The following KCTD8 variants were observed in gnomAD, a reference collection of about 807,000 sequenced individuals.
KCTD8 encodes BTB/POZ domain-containing protein KCTD8.
A neutral mutation model predicts 31.5 loss-of-function variants in KCTD8; 27 were observed. That is an observed-to-expected ratio of 0.86 (90% CI 0.63 to 1.18). The LOEUF (loss-of-function observed/expected upper bound fraction) is 1.18. Ranked by LOEUF, KCTD8 falls within the 50% of genes most tolerant of loss-of-function variation. The pLI is 0.00. For synonymous variants in KCTD8, 290 were observed against 280.0 expected (o/e 1.04, Z -0.36); for missense variants, 658 against 647.7 (o/e 1.02, Z -0.17).
chr4:44,435,740 A>C (rs1227531020), intron 1 of KCTD8, among the ~76,000 whole-genome samples: 2 of 152,084 alleles, frequency 1.3e-5, no homozygotes, highest in African/African-American at 4.8e-5. Context: ...ATTCAAATGA[A>C]GCACCAGGTG....
intron 1 of KCTD8, among the ~76,000 whole-genome samples, chr4:44,437,269 A>C (rs114515792): frequency 6.6e-6 from 1 of 152,104 alleles, no homozygotes; most frequent in East Asian, 1.9e-4. Flanking sequence ...TATCTTATGT[A>C]TCTATTAGGC....
At chr4:44,289,818 A>G (rs565243717) in intron 1 of KCTD8, among the ~76,000 whole-genome samples, 52 of 152,278 alleles carry the variant, frequency 3.4e-4, no homozygotes, top group African/African-American at 1.2e-3. Flanking sequence ...CCATATCCCA[A>G]GGCTCTCAAT....
At chr4:44,261,796 A>G (rs886804619) in intron 1 of KCTD8, among the ~76,000 whole-genome samples, 4 of 152,162 alleles carry the variant, frequency 2.6e-5, no homozygotes, top group Admixed American at 1.3e-4. Flanking sequence ...ATATTTCATT[A>G]TAAGAAAATA....
intron 1 of KCTD8, among the ~76,000 whole-genome samples, chr4:44,179,219 T>G (rs536560570): frequency 6.6e-6 from 1 of 152,050 alleles, no homozygotes; most frequent in Admixed American, 6.5e-5. Context: ...TCTATATCCC[T>G]CTCTTCTCCT....
chr4:44,267,312 T>G (rs1325256026), intron 1 of KCTD8, among the ~76,000 whole-genome samples: 1 of 151,990 alleles, frequency 6.6e-6, no homozygotes, highest in Admixed American at 6.6e-5. Context: ...CATAAAGAAA[T>G]GAAGGCAGAA....
At chr4:44,226,125 G>C (rs1353551848) in intron 1 of KCTD8, among the ~76,000 whole-genome samples, 1 of 151,970 alleles carries the variant, frequency 6.6e-6, no homozygotes, top group Non-Finnish European at 1.5e-5. Context: ...ACTGCGCCCG[G>C]CCCTCCTCAT....
chr4:44,223,435 A>G (rs950366849), intron 1 of KCTD8, among the ~76,000 whole-genome samples: 2 of 152,204 alleles, frequency 1.3e-5, no homozygotes, highest in Admixed American at 6.5e-5. Context: ...CAGCATGACT[A>G]TTTTCCACTC....
Position 44,216,898 on chromosome 4 carries a change from T to C in KCTD8, c.962-41648A>G, listed in dbSNP as rs118101195. ...TCTATACACTTCAAAAGTTAATTTT[T>C]TTTTTGTCAAAGGAGATGCATCTTT... On this transcript the variant is annotated intron_variant, in intron 1 of 1. Coordinates refer to ENST00000360029, the MANE Select transcript of KCTD8 (RefSeq NM_198353.3). 5.3e-3 allele frequency among the ~76,000 whole-genome samples: 811 copies of C among 152,302 alleles called. 27 individuals carry two copies. The South Asian group carries it at 0.076, about 14-fold the overall frequency.
rs189900765 is a variant in KCTD8, at chr4:44,325,386, T to G, written c.961+122177A>C. ...TTAAACTTAGCCCTCTAGGTTCTTG[T>G]GAACATATGTTGGTCAAAGTATGAA... On this transcript the variant is annotated intron_variant, in intron 1 of 1. Transcript: ENST00000360029. Among the ~76,000 whole-genome samples the G allele has an allele frequency of 3.9e-5, 6 of 152,112 alleles. No homozygotes were observed. The East Asian group carries it at 1.2e-3, about 29-fold the overall frequency.
chr4:44,416,568 T>A (rs931952264), intron 1 of KCTD8, among the ~76,000 whole-genome samples: 1 of 152,164 alleles, frequency 6.6e-6, no homozygotes, highest in African/African-American at 2.4e-5. Flanking sequence ...GAGCACCATA[T>A]CCTTCCTTGG....
At chr4:44,356,614 G>A (rs1463876773) in intron 1 of KCTD8, among the ~76,000 whole-genome samples, 2 of 151,960 alleles carry the variant, frequency 1.3e-5, no homozygotes, top group East Asian at 1.9e-4. Flanking sequence ...GCTGGTAGCC[G>A]AGTAGCCACC....
intron 1 of KCTD8, among the ~76,000 whole-genome samples, chr4:44,366,022 C>T (rs1719624181): frequency 2.0e-5 from 3 of 152,076 alleles, no homozygotes; most frequent in Non-Finnish European, 4.4e-5. Flanking sequence ...TGTAAAATTA[C>T]AATATGACAT....
At chr4:44,326,732 T>C (rs765541065) in intron 1 of KCTD8, among the ~76,000 whole-genome samples, 6 of 151,880 alleles carry the variant, frequency 4.0e-5, no homozygotes, top group Non-Finnish European at 7.4e-5. Context: ...TTAGGTTTTT[T>C]CTCTTCTGGT....
chr4:44,376,564 C>T (rs1560439609), intron 1 of KCTD8, among the ~76,000 whole-genome samples: 1 of 152,204 alleles, frequency 6.6e-6, no homozygotes, highest in African/African-American at 2.4e-5. Flanking sequence ...AAGAAGAAAC[C>T]TATGTGATTT....
At chr4:44,232,628 C>T (rs1715156204) in intron 1 of KCTD8, among the ~76,000 whole-genome samples, 1 of 152,088 alleles carries the variant, frequency 6.6e-6, no homozygotes, top group South Asian at 2.1e-4. Context: ...ATCAACTTTG[C>T]ATTAGTTTTA....
rs538901797 is a variant in KCTD8, at chr4:44,290,221, G to A, written c.962-114971C>T. ...ACAACAATCAAGAAGGACAAAAAAG[G>A]GCATTATATAATAAGAAAGGATACA... On this transcript the variant is annotated intron_variant, in intron 1 of 1. Coordinates refer to ENST00000360029, the MANE Select transcript of KCTD8 (RefSeq NM_198353.3). Among the ~76,000 whole-genome samples the A allele has an allele frequency of 1.1e-4, 17 of 151,464 alleles. No individual in the cohort carries two copies. The East Asian group carries it at 3.1e-3, about 28-fold the overall frequency.
chr4:44,401,746 TAAAC>T (rs1463000128), intron 1 of KCTD8, among the ~76,000 whole-genome samples: 1 of 152,198 alleles, frequency 6.6e-6, no homozygotes, highest in Non-Finnish European at 1.5e-5. Context: ...TACTAAGTCT[TAAAC>T]AAACGGCAGC....
chr4:44,315,686 G>A (rs573960453), intron 1 of KCTD8, among the ~76,000 whole-genome samples: 2 of 151,566 alleles, frequency 1.3e-5, no homozygotes, highest in African/African-American at 4.8e-5. Flanking sequence ...GCCTGAAAAA[G>A]TGTATAATTT....
intron 1 of KCTD8, 127 bp downstream of exon 1, chr4:44,447,436 C>CG: frequency 7.3e-7 from 1 of 1,369,634 alleles, no homozygotes; most frequent in Non-Finnish European, 9.5e-7. Flanking sequence ...CAGGGAGAGC[C>CG]GCTCTCTATA....
Sources: gnomAD v4.1 joint callset for allele counts (sites outside exome capture counted in the v4.1 genomes callset) on GRCh38, gnomAD v4.1.1 for gene constraint, MANE v1.5 for transcripts, NCBI Gene and HGNC (gene_info 2026-07-23, HGNC 2026-07-21) for gene names.